The following ZNF385D variants were observed in gnomAD, a reference collection of about 807,000 sequenced individuals.
The protein encoded by ZNF385D is zinc finger protein 659.
A neutral mutation model predicts 35.8 loss-of-function variants in ZNF385D; 15 were observed. The ratio of observed to expected loss-of-function variants is 0.42; its 90% CI spans 0.28 to 0.64. The LOEUF is 0.64. Ranked by LOEUF, ZNF385D falls within the 30% of genes least tolerant of loss-of-function variation. The pLI, the probability that ZNF385D is intolerant of heterozygous loss-of-function variation, is 0.23. For synonymous variants in ZNF385D, 212 were observed against 186.8 expected (o/e 1.13, Z -1.10); for missense variants, 474 against 494.6 (o/e 0.96, Z 0.39).
rs571811574 is a variant in ZNF385D, at chr3:22,003,501, C to T, written c.325+165316G>A. On this transcript the variant is annotated intron_variant, in intron 3 of 5. Transcript: ENST00000494108. ...TTATTTTTAAGAAAGACCATAGTACCAAAGGTATTCTCTATACTCAATGCA... is the reference window on the plus strand; with the variant it reads ...TTATTTTTAAGAAAGACCATAGTACTAAAGGTATTCTCTATACTCAATGCA... Among the ~76,000 whole-genome samples the T allele has an allele frequency of 3.9e-4, 59 of 152,138 alleles. No individual in the cohort carries two copies. In the Middle Eastern group the frequency reaches 0.014, roughly 35 times the overall value.
intron 2 of ZNF385D, among the ~76,000 whole-genome samples, chr3:22,366,976 G>A (rs771220416): frequency 6.6e-6 from 1 of 152,138 alleles, no homozygotes; most frequent in Non-Finnish European, 1.5e-5. Context: ...CCTTCTAAGA[G>A]AGCAAATCTT....
intron 3 of ZNF385D, among the ~76,000 whole-genome samples, chr3:22,151,715 C>A (rs1705248479): frequency 1.3e-5 from 2 of 152,098 alleles, no homozygotes; most frequent in African/African-American, 4.8e-5. Flanking sequence ...AAATGTTAAT[C>A]TCTTCCAATA....
At chr3:21,931,686 T>C (rs1404485471) in intron 3 of ZNF385D, among the ~76,000 whole-genome samples, 3 of 152,138 alleles carry the variant, frequency 2.0e-5, no homozygotes, top group African/African-American at 7.2e-5. Context: ...TGCCTTCGGC[T>C]GGGGTGAGAC....
chr3:22,274,206 G>C (rs1377896817), intron 2 of ZNF385D, among the ~76,000 whole-genome samples: 1 of 151,806 alleles, frequency 6.6e-6, no homozygotes, highest in Non-Finnish European at 1.5e-5. Context: ...ATAGCACTTA[G>C]AAGAAAGAAG....
rs142537414 is a variant in ZNF385D at position 21,565,485 on chromosome 3, C to G, written c.166-801G>C. 5.9e-5 allele frequency among the ~76,000 whole-genome samples: 9 copies of G among 152,144 alleles called. No individual in the cohort carries two copies. The East Asian group carries it at 1.7e-3, about 29-fold the overall frequency. ...GCTCAAACTCTTGGGTTCAAGCAGC[C>G]CTCCCACTTGAGCCTCCCAAGTAGC... On this transcript the variant is annotated intron_variant, in intron 2 of 7. Coordinates refer to ENST00000281523, the MANE Select transcript of ZNF385D (RefSeq NM_024697.3).
chr3:21,823,915 C>T (rs544318641), intron 3 of ZNF385D, among the ~76,000 whole-genome samples: 45 of 152,176 alleles, frequency 3.0e-4, no homozygotes, highest in Non-Finnish European at 2.4e-4. Context: ...CAGAGCTGTA[C>T]ATCAAATCTC....
chr3:21,967,590 C>A (rs1407932664), intron 3 of ZNF385D, among the ~76,000 whole-genome samples: 2 of 152,178 alleles, frequency 1.3e-5, no homozygotes, highest in African/African-American at 4.8e-5. Flanking sequence ...CCATTGGCTT[C>A]TTCCTCAGGT....
chr3:21,975,437 G>A (rs1384875677), intron 3 of ZNF385D, among the ~76,000 whole-genome samples: 2 of 151,814 alleles, frequency 1.3e-5, no homozygotes, highest in Admixed American at 1.3e-4. Flanking sequence ...ATAATTAATG[G>A]GTTCAAATAT....
intron 2 of ZNF385D, among the ~76,000 whole-genome samples, chr3:21,651,013 C>A (rs774656076): frequency 6.6e-5 from 10 of 151,972 alleles, no homozygotes; most frequent in Non-Finnish European, 1.3e-4. Flanking sequence ...GGCGCGGTGG[C>A]TCACGCCTGT....
intron 4 of ZNF385D, among the ~76,000 whole-genome samples, chr3:21,491,215 G>GT (rs5847104): frequency 5.8e-5 from 8 of 139,080 alleles, no homozygotes; most frequent in East Asian, 4.3e-4. Flanking sequence ...AGATAAAGGG[G>GT]TTTTTTTTTT....
At chr3:21,560,142 T>A (rs958027629) in intron 3 of ZNF385D, among the ~76,000 whole-genome samples, 1 of 152,226 alleles carries the variant, frequency 6.6e-6, no homozygotes, top group Non-Finnish European at 1.5e-5. Context: ...TTACCCACCT[T>A]CTGAAGCCTA....
At chr3:21,631,832 ATTTTAGGGATGCAATCTCGTCATGT>A (rs1199245750) in intron 2 of ZNF385D, among the ~76,000 whole-genome samples, 2 of 152,160 alleles carry the variant, frequency 1.3e-5, no homozygotes, top group Non-Finnish European at 1.5e-5. Flanking sequence ...TCACCAGAAC[ATTTTAGGGATGCAATCTCGTCATGT>A]TTTTAGGGAT....
chr3:22,306,106 T>C lies in ZNF385D; in HGVS notation c.106+66344A>G, dbSNP rs148355278. ...GAAAACTACAAAAGTCAGAATTCTC[T>C]TTCGTATTTTCTTCTTCTTAATTTG... is the stretch of plus-strand genomic sequence containing the variant. On this transcript the variant is annotated intron_variant, in intron 2 of 5. Transcript: ENST00000494108. 9.1e-3 allele frequency among the ~76,000 whole-genome samples: 1,384 copies of C among 152,232 alleles called. 20 individuals carry two copies. The highest frequency in any genetic ancestry group is 0.03 in the African/African-American group (1,247 of 41,560).
chr3:21,938,686 C>G (rs531350206), intron 3 of ZNF385D, among the ~76,000 whole-genome samples: 27 of 152,274 alleles, frequency 1.8e-4, no homozygotes, highest in African/African-American at 6.5e-4. Flanking sequence ...ACACGCATTC[C>G]TTTCTTACCG....
At chr3:22,222,541 T>G (rs1327902043) in intron 2 of ZNF385D, among the ~76,000 whole-genome samples, 1 of 152,186 alleles carries the variant, frequency 6.6e-6, no homozygotes, top group Non-Finnish European at 1.5e-5. Flanking sequence ...ATTTTGAACT[T>G]GCTTTATCTC....
chr3:21,728,109 T>C (rs1021519165), intron 1 of ZNF385D, among the ~76,000 whole-genome samples: 2 of 151,564 alleles, frequency 1.3e-5, no homozygotes, highest in African/African-American at 2.4e-5. Flanking sequence ...ACACAGGGAG[T>C]GAACATCACA....
chr3:22,339,099 GCA>G (rs1013746107), intron 2 of ZNF385D, among the ~76,000 whole-genome samples: 1 of 152,136 alleles, frequency 6.6e-6, no homozygotes, highest in Non-Finnish European at 1.5e-5. Flanking sequence ...ACACATACAT[GCA>G]CATTTTATAT....
chr3:21,794,464 A>G (rs1023836438), intron 3 of ZNF385D, among the ~76,000 whole-genome samples: 1 of 152,132 alleles, frequency 6.6e-6, no homozygotes, highest in African/African-American at 2.4e-5. Context: ...AAAACACCAT[A>G]GACTGGGTAG....
intron 2 of ZNF385D, among the ~76,000 whole-genome samples, chr3:22,195,674 T>C (rs969114601): frequency 6.6e-6 from 1 of 152,086 alleles, no homozygotes; most frequent in African/African-American, 2.4e-5. Flanking sequence ...ACGATGCCAG[T>C]TGTATTGATC....
Sources: gnomAD v4.1 joint callset for allele counts (sites outside exome capture counted in the v4.1 genomes callset) on GRCh38, gnomAD v4.1.1 for gene constraint, MANE v1.5 for transcripts, NCBI Gene and HGNC (gene_info 2026-07-23, HGNC 2026-07-21) for gene names.